The following ARL8A variants were observed in gnomAD, a reference collection of about 807,000 sequenced individuals.
ARL8A encodes the protein ADP-ribosylation factor-like protein 8A.
In ARL8A, 10 loss-of-function variants were observed where a neutral mutation model predicts 31.2. The ratio of observed to expected loss-of-function variants is 0.32; its 90% CI spans 0.20 to 0.54. The LOEUF is 0.54. ARL8A is among the 20% of genes least tolerant of loss of function. The pLI, the probability that ARL8A is intolerant of heterozygous loss-of-function variation, is 0.93. For synonymous variants in ARL8A, 70 were observed against 86.9 expected (o/e 0.81, Z 1.08); for missense variants, 129 against 242.8 (o/e 0.53, Z 3.12).
rs1268326904 is a variant in ARL8A at position 202,138,469 on chromosome 1, G to C, written c.124-21C>G. The C allele has an allele frequency of 6.2e-7, 1 of 1,610,038 alleles. No individual in the cohort carries two copies. The highest frequency in any genetic ancestry group is 1.7e-5 in the Admixed American group (1 of 59,998). ...CCTGACTGGAAAGAAGACTCAGAAT[G>C]GGAAACAGTGCAAAAATCGATATGC... On this transcript the variant is annotated intron_variant, in intron 1 of 6. Coordinates refer to ENST00000272217, the MANE Select transcript of ARL8A (RefSeq NM_138795.4). This position sits in a 1 kb window ranked among gnomAD's most constrained non-coding sequence, Gnocchi z 4.4.
At position 202,138,816 on chromosome 1, in the gene ARL8A, G is replaced by C. The variant is rs1655087364; in HGVS notation, c.124-368C>G. On this transcript the variant is annotated intron_variant, in intron 1 of 6. Coordinates refer to ENST00000272217, the MANE Select transcript of ARL8A (RefSeq NM_138795.4). This position sits in a 1 kb window ranked among gnomAD's most constrained non-coding sequence, Gnocchi z 4.4. The stretch of plus-strand genomic sequence containing the variant: ...AGCAAGAGAACTTGAAGCAAGTCAT[G>C]TTCTAATAGTTAAGGAGGATCTCAA... Among the ~76,000 whole-genome samples the C allele has an allele frequency of 1.3e-5, 2 of 152,220 alleles. No homozygotes were observed. The highest frequency in any genetic ancestry group is 2.9e-5 in the Non-Finnish European group (2 of 68,032).
Position 202,135,860 on chromosome 1 carries a change from G to A in ARL8A, c.279-60C>T, listed in dbSNP as rs1654992207. The A allele has an allele frequency of 4.2e-6, 6 of 1,443,540 alleles. No homozygotes were observed. The highest frequency in any genetic ancestry group is 5.8e-6 in the Non-Finnish European group (6 of 1,026,674). The allele number at this position is 1,443,540 out of a possible 1,614,324, so 89.4% of individuals were successfully genotyped here. A position where few individuals can be genotyped will look rare whatever the true frequency, so the allele number is the denominator to read the frequency against. On this transcript the variant is annotated intron_variant, in intron 3 of 6. Transcript: ENST00000272217. This position sits in a 1 kb window ranked among gnomAD's most constrained non-coding sequence, Gnocchi z 5.3. The stretch of plus-strand genomic sequence containing the variant: ...GACACCACAGGCTGAGGTGGTGCAA[G>A]GAAGAGAAGGAGCTGCTGCTTGGAG...
Position 202,138,544 on chromosome 1 carries a change from A to C in ARL8A, c.124-96T>G, listed in dbSNP as rs1305681502. On this transcript the variant is annotated intron_variant, in intron 1 of 6. Transcript: ENST00000272217. This position sits in a 1 kb window ranked among gnomAD's most constrained non-coding sequence, Gnocchi z 4.4. ...GAGAACCATGCAGAGGCCAGGCCAG[A>C]GCTTCCTAGACTTCCCACTGTGGGG... is the stretch of plus-strand genomic sequence containing the variant. The C allele has an allele frequency of 8.5e-7, 1 of 1,180,856 alleles. No homozygotes were observed. Among genetic ancestry groups the C allele is most frequent in the Non-Finnish European group, 1.2e-6 (1 of 802,284 alleles). The allele number at this position is 1,180,856 out of a possible 1,614,324, so 73.1% of individuals were successfully genotyped here.
At chr1:202,142,002 G>A (rs1434510866) in intron 1 of ARL8A, among the ~76,000 whole-genome samples, 1 of 152,050 alleles carries the variant, frequency 6.6e-6, no homozygotes, top group East Asian at 1.9e-4. Context: ...CAAGTAGCTG[G>A]GATTACAGGT....
In ARL8A at chr1:202,144,263, C is replaced by A. The variant is rs1415293439; in HGVS notation, c.123+187G>T. Among the ~76,000 whole-genome samples the A allele has an allele frequency of 1.3e-5, 2 of 151,908 alleles. No homozygotes were observed. Among genetic ancestry groups the A allele is most frequent in the African/African-American group, 2.4e-5 (1 of 41,418 alleles). ...GGGTGAGAGAGCGGGTCGCGCGCCG[C>A]CCCGGTCCCCCACGGCACGGGCCGT... On this transcript the variant is annotated intron_variant, in intron 1 of 6. Transcript: ENST00000272217. The surrounding 1 kb of genome is among the most constrained non-coding windows in gnomAD (Gnocchi z 5.2).
At position 202,137,918 on chromosome 1, in the gene ARL8A, G is replaced by C. The variant is rs373901959; in HGVS notation, c.278+47C>G. ...AGGTCCTCGAAGGTAGCAGGGCTAG[G>C]GGGGCCGGGTAAGGCTGGAGTCTGG... On this transcript the variant is annotated intron_variant, in intron 3 of 6. Transcript: ENST00000272217. The C allele has an allele frequency of 1.1e-4, 182 of 1,607,328 alleles. 1 individual carries two copies. Among genetic ancestry groups the C allele is most frequent in the African/African-American group, 8.3e-4 (62 of 74,908 alleles).
intron 1 of ARL8A, among the ~76,000 whole-genome samples, chr1:202,143,153 C>T (rs559711474): frequency 2.6e-5 from 4 of 152,108 alleles, no homozygotes; most frequent in African/African-American, 9.7e-5. Context: ...GACACTGGGT[C>T]GAGAAAGGGC....
At chr1:202,137,561 G>T (rs2147811461) in intron 3 of ARL8A, among the ~76,000 whole-genome samples, 1 of 152,042 alleles carries the variant, frequency 6.6e-6, no homozygotes, top group East Asian at 1.9e-4. Flanking sequence ...TGGGAGGCAG[G>T]AGGTTGTGGT....
intron 1 of ARL8A, among the ~76,000 whole-genome samples, chr1:202,140,489 T>C (rs1246298072): frequency 6.6e-6 from 1 of 152,134 alleles, no homozygotes; most frequent in East Asian, 1.9e-4. Flanking sequence ...GGCCTTAGGA[T>C]GATATAAGAA....
rs1655073238 is a variant in ARL8A, at chr1:202,138,323, AC to A, written c.204+44del. ...CACACACACACACACACACACACAC[AC>A]ACAAAAACAGTCCTCTGCACCCCCC... On this transcript the variant is annotated intron_variant, in intron 2 of 6. Coordinates refer to ENST00000272217, the MANE Select transcript of ARL8A (RefSeq NM_138795.4). The surrounding 1 kb of genome is among the most constrained non-coding windows in gnomAD (Gnocchi z 4.4). 1.4e-5 allele frequency: 21 copies of A among 1,554,938 alleles called. No individual in the cohort carries two copies. The highest frequency in any genetic ancestry group is 2.7e-5 in the African/African-American group (2 of 72,932).
Position 202,144,403 on chromosome 1 carries a change from C to G in ARL8A, c.123+47G>C, listed in dbSNP as rs1343131574. 7.9e-7 allele frequency: 1 copy of G among 1,273,058 alleles called. No individual in the cohort carries two copies. Among genetic ancestry groups the G allele is most frequent in the Non-Finnish European group, 1.0e-6 (1 of 980,730 alleles). The allele number at this position is 1,273,058 out of a possible 1,614,324, so 78.9% of individuals were successfully genotyped here. A position where few individuals can be genotyped will look rare whatever the true frequency, so the allele number is the denominator to read the frequency against. ...GGCGCGGCGCGGGCGGGGACAGGCC[C>G]GACCCGCGGCCCGCGCCCGGGGACC... On this transcript the variant is annotated intron_variant, in intron 1 of 6. Transcript: ENST00000272217. This position sits in a 1 kb window ranked among gnomAD's most constrained non-coding sequence, Gnocchi z 5.2.
At chr1:202,141,671 GA>G (rs147319368) in intron 1 of ARL8A, among the ~76,000 whole-genome samples, 8 of 149,376 alleles carry the variant, frequency 5.4e-5, no homozygotes, top group East Asian at 2.0e-4. Context: ...AGAAAAAAAA[GA>G]AAAAAAAATC....
chr1:202,140,199 G>C (rs905820340), intron 1 of ARL8A, among the ~76,000 whole-genome samples: 5 of 147,632 alleles, frequency 3.4e-5, no homozygotes, highest in African/African-American at 1.3e-4. Context: ...GTGTGATCTC[G>C]GCTCACTGTA....
At chr1:202,140,296 ATTTT>A (rs77654638) in intron 1 of ARL8A, among the ~76,000 whole-genome samples, 20 of 137,654 alleles carry the variant, frequency 1.5e-4, no homozygotes, top group Non-Finnish European at 2.3e-4. Flanking sequence ...TGCCTAGCTA[ATTTT>A]TTTTTTTTTT....
At position 202,133,479 on chromosome 1, in the gene ARL8A, A is replaced by T. The variant is rs1654918835; in HGVS notation, c.*988T>A. 6.6e-6 allele frequency: 1 copy of T among 152,246 alleles called. No individual in the cohort carries two copies. Among genetic ancestry groups the T allele is most frequent in the Admixed American group, 6.5e-5 (1 of 15,290 alleles). The allele number at this position is 152,246 out of a possible 1,614,324, so 9.4% of individuals were successfully genotyped here. A position where few individuals can be genotyped will look rare whatever the true frequency, so the allele number is the denominator to read the frequency against. On this transcript the variant is annotated 3_prime_UTR_variant, in exon 7 of 7. Transcript: ENST00000272217. ...AGCAAAAAAATGTACAGTTACAAGAATCATTTTCCAAACAGAGGTTAAATA... is the reference window on the plus strand; with the variant it reads ...AGCAAAAAAATGTACAGTTACAAGATTCATTTTCCAAACAGAGGTTAAATA...
chr1:202,138,081 C>T lies in ARL8A; in HGVS notation c.205-43G>A. 1 of 1,609,652 alleles carries T rather than the reference C, an allele frequency of 6.2e-7. No individual in the cohort carries two copies. Among genetic ancestry groups the T allele is most frequent in the East Asian group, 2.2e-5 (1 of 44,856 alleles). On this transcript the variant is annotated intron_variant, in intron 2 of 6. Transcript: ENST00000272217. The surrounding 1 kb of genome is among the most constrained non-coding windows in gnomAD (Gnocchi z 4.4). ...GAGATAGCCTCAGTAGTGGGCAGGCCACCAAAACGTGTCTTGGGTCTCAAA... is the reference window on the plus strand; with the variant it reads ...GAGATAGCCTCAGTAGTGGGCAGGCTACCAAAACGTGTCTTGGGTCTCAAA...
chr1:202,135,269 G>A lies in ARL8A; in HGVS notation c.441-49C>T, dbSNP rs1211380244. On this transcript the variant is annotated intron_variant, in intron 5 of 6. Transcript: ENST00000272217. This position sits in a 1 kb window ranked among gnomAD's most constrained non-coding sequence, Gnocchi z 5.3. ...CGCTGAGGCTACGAACGTCCAGGGG[G>A]CCTGGGGCTAGGGGACAGCGGGGCC... 1.1e-5 allele frequency: 17 copies of A among 1,572,526 alleles called. No homozygotes were observed. Among genetic ancestry groups the A allele is most frequent in the Middle Eastern group, 1.7e-4 (1 of 5,998 alleles).
chr1:202,135,327 G>T lies in ARL8A; in HGVS notation c.441-107C>A. On this transcript the variant is annotated intron_variant, in intron 5 of 6. Transcript: ENST00000272217. This position sits in a 1 kb window ranked among gnomAD's most constrained non-coding sequence, Gnocchi z 5.3. ...TACCTAAGAGGCTACAAAGGGGAGG[G>T]TGAGGTGCCTGAAAAGGTCGGCTCT... 1.4e-6 allele frequency: 2 copies of T among 1,447,148 alleles called. No homozygotes were observed. Among genetic ancestry groups the T allele is most frequent in the Non-Finnish European group, 1.9e-6 (2 of 1,029,406 alleles). 89.6% of individuals were successfully genotyped at this position (1,447,148 alleles called of 1,614,324 possible). A position where few individuals can be genotyped will look rare whatever the true frequency, so the allele number is the denominator to read the frequency against.
chr1:202,135,279 AG>A lies in ARL8A; in HGVS notation c.441-60del. On this transcript the variant is annotated intron_variant, in intron 5 of 6. Coordinates refer to ENST00000272217, the MANE Select transcript of ARL8A (RefSeq NM_138795.4). The surrounding 1 kb of genome is among the most constrained non-coding windows in gnomAD (Gnocchi z 5.3). Reference sequence around the variant, plus strand: ...ACGAACGTCCAGGGGGCCTGGGGCTAGGGGACAGCGGGGCCTTTTTCTTACC... The same window carrying A: ...ACGAACGTCCAGGGGGCCTGGGGCTAGGGACAGCGGGGCCTTTTTCTTACC... The A allele has an allele frequency of 7.1e-6, 11 of 1,551,946 alleles. No homozygotes were observed. The highest frequency in any genetic ancestry group is 9.8e-6 in the Non-Finnish European group (11 of 1,123,820).
Sources: allele counts gnomAD v4.1 joint callset (sites outside exome capture counted in the v4.1 genomes callset), GRCh38; gene constraint gnomAD v4.1.1; non-coding constraint Gnocchi (gnomAD v3.1); transcripts MANE v1.5; gene names NCBI Gene and HGNC (gene_info 2026-07-23, HGNC 2026-07-21).